Variants in SHISAL2B observed in about 807,000 individuals in gnomAD.
SHISAL2B encodes shisa like 2B, also known as protein shisa-like-2B.
A neutral mutation model predicts 16.5 loss-of-function variants in SHISAL2B; 12 were observed. The observed-to-expected ratio is 0.73, with a 90% CI of 0.47 to 1.18. The LOEUF is 1.18. Ranked by LOEUF, SHISAL2B falls within the 50% of genes most tolerant of loss-of-function variation. The pLI, the probability that SHISAL2B is intolerant of heterozygous loss-of-function variation, is 0.00. For synonymous variants in SHISAL2B, 72 were observed against 75.0 expected (o/e 0.96, Z 0.21); for missense variants, 183 against 193.6 (o/e 0.95, Z 0.33).
intron 2 of SHISAL2B, 63 bp from the exon 3 acceptor site, chr5:64,717,826 A>T: frequency 7.1e-7 from 1 of 1,418,060 alleles, no homozygotes; most frequent in South Asian, 1.4e-5. Context: ...TTTTAAGTGC[A>T]AATTTTTATA....
At chr5:64,696,346 T>G (rs1158747982) in intron 2 of SHISAL2B, among the ~76,000 whole-genome samples, 1 of 152,210 alleles carries the variant, frequency 6.6e-6, no homozygotes, top group Non-Finnish European at 1.5e-5. Context: ...AAAACATGTG[T>G]GTTTGAACAA....
At chr5:64,692,000 C>T (rs1454850210) in intron 1 of SHISAL2B, among the ~76,000 whole-genome samples, 1 of 152,152 alleles carries the variant, frequency 6.6e-6, no homozygotes, top group Non-Finnish European at 1.5e-5. Flanking sequence ...ATATTGCAAG[C>T]ATCAAAAAGT....
chr5:64,716,899 G>C (rs1742064141), intron 2 of SHISAL2B, among the ~76,000 whole-genome samples: 1 of 152,084 alleles, frequency 6.6e-6, no homozygotes, highest in Non-Finnish European at 1.5e-5. Context: ...ATAGCTCTTT[G>C]AATGTTGTGC....
intron 1 of SHISAL2B, among the ~76,000 whole-genome samples, chr5:64,694,464 A>G (rs1009228154): frequency 6.6e-6 from 1 of 152,182 alleles, no homozygotes; most frequent in African/African-American, 2.4e-5. Flanking sequence ...CTCTTTTCCC[A>G]TTTAGTGGTA....
chr5:64,696,309 T>C (rs1231335105), intron 2 of SHISAL2B, among the ~76,000 whole-genome samples: 1 of 152,258 alleles, frequency 6.6e-6, no homozygotes, highest in Non-Finnish European at 1.5e-5. Flanking sequence ...AGGACCACTA[T>C]TGTGTTAAAC....
intron 1 of SHISAL2B, among the ~76,000 whole-genome samples, chr5:64,691,937 G>A (rs970713829): frequency 1.3e-4 from 20 of 152,254 alleles, no homozygotes; most frequent in African/African-American, 4.3e-4. Flanking sequence ...CAAGTCTATA[G>A]CAAATGACTA....
chr5:64,715,154 A>C (rs898208936), intron 2 of SHISAL2B, among the ~76,000 whole-genome samples: 8 of 152,196 alleles, frequency 5.3e-5, no homozygotes, highest in Non-Finnish European at 1.2e-4. Context: ...CCTGATTGAT[A>C]CTAGAAAGCA....
At chr5:64,702,025 CT>C (rs1561375426) in intron 2 of SHISAL2B, among the ~76,000 whole-genome samples, 2 of 152,188 alleles carry the variant, frequency 1.3e-5, no homozygotes, top group Middle Eastern at 6.8e-3. Context: ...GTAGAAGTTT[CT>C]TTTTTTGTGG....
chr5:64,711,202 A>G (rs1464860023), intron 2 of SHISAL2B, among the ~76,000 whole-genome samples: 13 of 128,964 alleles, frequency 1.0e-4, no homozygotes, highest in Non-Finnish European at 1.9e-4. Context: ...ATTATTTTGA[A>G]ATACGTCCCA....
At chr5:64,702,481 T>C (rs1358265095) in intron 2 of SHISAL2B, among the ~76,000 whole-genome samples, 1 of 152,208 alleles carries the variant, frequency 6.6e-6, no homozygotes, top group African/African-American at 2.4e-5. Context: ...ATTACAGGCG[T>C]GAGCCACCGC....
chr5:64,715,543 C>T (rs1304579365), intron 2 of SHISAL2B, among the ~76,000 whole-genome samples: 1 of 152,108 alleles, frequency 6.6e-6, no homozygotes, highest in African/African-American at 2.4e-5. Context: ...GAAAACAGGA[C>T]TTGTGGGTCT....
chr5:64,710,338 G>C (rs1407697699), intron 2 of SHISAL2B, among the ~76,000 whole-genome samples: 2 of 111,282 alleles, frequency 1.8e-5, no homozygotes, highest in African/African-American at 8.3e-5. Context: ...TCAAAGATCA[G>C]ATAATTGTAG....
At chr5:64,698,034 A>C (rs1741762878) in intron 2 of SHISAL2B, among the ~76,000 whole-genome samples, 1 of 152,222 alleles carries the variant, frequency 6.6e-6, no homozygotes, top group South Asian at 2.1e-4. Flanking sequence ...TGTTAGCTGA[A>C]TTTAGTACAA....
intron 2 of SHISAL2B, among the ~76,000 whole-genome samples, chr5:64,714,717 G>T (rs909734783): frequency 6.6e-6 from 1 of 152,218 alleles, no homozygotes; most frequent in Non-Finnish European, 1.5e-5. Flanking sequence ...GACCCTCTGA[G>T]CCAGGTGTGG....
intron 2 of SHISAL2B, among the ~76,000 whole-genome samples, chr5:64,699,249 G>A (rs1741776957): frequency 6.6e-6 from 1 of 152,164 alleles, no homozygotes; most frequent in South Asian, 2.1e-4. Context: ...GTGACTTCCT[G>A]CTGCTTTCAA....
chr5:64,717,259 G>A (rs930037391), intron 2 of SHISAL2B, among the ~76,000 whole-genome samples: 21 of 152,204 alleles, frequency 1.4e-4, no homozygotes, highest in Admixed American at 8.5e-4. Flanking sequence ...TGTTCTTTAC[G>A]TATTTATGTT....
intron 2 of SHISAL2B, 56 bp from the exon 3 acceptor site, chr5:64,717,833 T>A: frequency 6.9e-7 from 1 of 1,445,546 alleles, no homozygotes; most frequent in South Asian, 1.4e-5. Flanking sequence ...TGCAAATTTT[T>A]ATAAGTGAAA....
Position 64,695,501 on chromosome 5 carries a change from C to A in SHISAL2B, c.192-6C>A. ...GTGACACATATTTTTTTTCTGTTTT[C>A]CTCAGCATTGGTGCCTTGATTGGAC... On this transcript the variant is annotated splice_polypyrimidine_tract_variant and splice_region_variant and intron_variant, in intron 1 of 2. Transcript: ENST00000389074. 6.6e-7 allele frequency: 1 copy of A among 1,519,522 alleles called. No individual in the cohort carries two copies. Among genetic ancestry groups the A allele is most frequent in the Non-Finnish European group, 8.8e-7 (1 of 1,139,484 alleles). The allele number at this position is 1,519,522 out of a possible 1,614,324, so 94.1% of individuals were successfully genotyped here.
intron 1 of SHISAL2B, among the ~76,000 whole-genome samples, chr5:64,693,600 C>T (rs2112054907): frequency 6.6e-6 from 1 of 152,282 alleles, no homozygotes; most frequent in Non-Finnish European, 1.5e-5. Context: ...CTTATCTGCT[C>T]TGTGCACCAG....
Sources: allele counts gnomAD v4.1 joint callset (sites outside exome capture counted in the v4.1 genomes callset), GRCh38; gene constraint gnomAD v4.1.1; transcripts MANE v1.5; gene names NCBI Gene and HGNC (gene_info 2026-07-23, HGNC 2026-07-21).